Variants in TOPBP1 observed in about 807,000 individuals in gnomAD.
TOPBP1 encodes the protein DNA topoisomerase 2-binding protein 1.
A neutral mutation model predicts 167.7 loss-of-function variants in TOPBP1; 28 were observed. That is an observed-to-expected ratio of 0.17 (90% confidence interval 0.12 to 0.23). The LOEUF (loss-of-function observed/expected upper bound fraction) is 0.23. Among genes scored for constraint, TOPBP1 ranks in the 10% least tolerant of loss-of-function variants. TOPBP1 has a pLI of 1.00. For synonymous variants in TOPBP1, 598 were observed against 611.4 expected (o/e 0.98, Z 0.32); for missense variants, 1,554 against 1,809.6 (o/e 0.86, Z 2.56).
chr3:133,623,908 G>A (rs1359097966), intron 17 of TOPBP1, 144 bp downstream of exon 17: 4 of 991,800 alleles, frequency 4.0e-6, no homozygotes, highest in Non-Finnish European at 5.6e-6. Context: ...TGATGCCAAA[G>A]ATCTGAAATG....
chr3:133,639,794 G>A (rs1300701663), intron 13 of TOPBP1, among the ~76,000 whole-genome samples, 165 bp downstream of exon 13: 1 of 152,096 alleles, frequency 6.6e-6, no homozygotes, highest in Non-Finnish European at 1.5e-5. Flanking sequence ...ACAGTAAATA[G>A]GAGCCAAGCT....
At chr3:133,621,096 C>CT (rs1935075556) in intron 19 of TOPBP1, among the ~76,000 whole-genome samples, 2 of 152,144 alleles carry the variant, frequency 1.3e-5, no homozygotes, top group South Asian at 4.1e-4. Flanking sequence ...ATTATAACCT[C>CT]TAACTCCTGG....
chr3:133,628,811 AAAAG>A, intron 14 of TOPBP1, 78 bp from the exon 15 acceptor site: 4 of 1,436,086 alleles, frequency 2.8e-6, no homozygotes, highest in Middle Eastern at 2.1e-4. Context: ...TAGGACAGGA[AAAAG>A]AAAGAGGAGG....
chr3:133,652,344 A>T, intron 8 of TOPBP1, 119 bp downstream of exon 8: 1 of 1,031,208 alleles, frequency 9.7e-7, no homozygotes, highest in Non-Finnish European at 1.4e-6. Context: ...CTACTTAGCT[A>T]GAGTGGAGGG....
In TOPBP1 at chr3:133,628,237, A is replaced by G. The variant is rs937357226; in HGVS notation, c.2804+125T>C. On this transcript the variant is annotated intron_variant, in intron 16 of 27. Coordinates refer to ENST00000260810, the MANE Select transcript of TOPBP1 (RefSeq NM_007027.4). ...ATGTGGTAAATTAAAAATCAACTGG[A>G]GAGATTTTGTAGATAAAGATGCATG... 5.9e-6 allele frequency: 5 copies of G among 850,728 alleles called. No homozygotes were observed. The African/African-American group carries it at 8.6e-5, about 15-fold the overall frequency. 52.7% of individuals were successfully genotyped at this position (850,728 alleles called of 1,614,324 possible).
At position 133,622,593 on chromosome 3, in the gene TOPBP1, G is replaced by A. The variant is rs1007035627; in HGVS notation, c.3178+498C>T. Reference sequence around the variant, plus strand: ...GATACATAAGGAACTAATAACACTGGGGGGCTGGAGAATAAGGGTGGAAGA... The same window carrying A: ...GATACATAAGGAACTAATAACACTGAGGGGCTGGAGAATAAGGGTGGAAGA... On this transcript the variant is annotated intron_variant, in intron 19 of 27. Transcript: ENST00000260810. Among the ~76,000 whole-genome samples, 41 of 151,968 alleles carry A rather than the reference G, an allele frequency of 2.7e-4. 2 individuals carry two copies. Among genetic ancestry groups the A allele is most frequent in the Non-Finnish European group, 2.9e-5 (2 of 68,008 alleles).
intron 8 of TOPBP1, 71 bp from the exon 9 acceptor site, chr3:133,650,014 C>T: frequency 8.1e-7 from 1 of 1,240,844 alleles, no homozygotes; most frequent in South Asian, 1.8e-5. Context: ...AAATATATAT[C>T]TAAATCCACT....
intron 2 of TOPBP1, among the ~76,000 whole-genome samples, chr3:133,659,739 C>A (rs1936616096): frequency 6.7e-6 from 1 of 149,780 alleles, no homozygotes; most frequent in Admixed American, 6.7e-5. Flanking sequence ...CCCTTCTAGT[C>A]TATTCTATTT....
chr3:133,622,547 T>C (rs1935128506), intron 19 of TOPBP1, among the ~76,000 whole-genome samples: 1 of 151,984 alleles, frequency 6.6e-6, no homozygotes, highest in Non-Finnish European at 1.5e-5. Flanking sequence ...CGGCTATATA[T>C]GCATAAAGCA....
intron 11 of TOPBP1, 34 bp downstream of exon 11, chr3:133,643,986 C>T (rs115222241): frequency 0.014 from 21,203 of 1,534,768 alleles, 175 homozygotes; most frequent in African/African-American, 0.02. Context: ...AGATATCCTT[C>T]GATACTTTAT....
intron 3 of TOPBP1, 101 bp downstream of exon 3, chr3:133,658,915 A>G: frequency 7.9e-7 from 1 of 1,270,384 alleles, no homozygotes; most frequent in Non-Finnish European, 1.0e-6. Context: ...TGTACTCATA[A>G]GTTGCATAGT....
intron 16 of TOPBP1, among the ~76,000 whole-genome samples, chr3:133,625,548 A>G (rs1233943557): frequency 1.3e-5 from 2 of 152,052 alleles, no homozygotes; most frequent in Non-Finnish European, 2.9e-5. Flanking sequence ...GTCGACCAAC[A>G]TGGAGAAACC....
intron 27 of TOPBP1, among the ~76,000 whole-genome samples, chr3:133,606,226 T>C (rs1934488466): frequency 6.6e-6 from 1 of 152,254 alleles, no homozygotes; most frequent in East Asian, 1.9e-4. Context: ...TTATATTCTT[T>C]TGGATTGGCA....
At chr3:133,617,428 C>T in intron 21 of TOPBP1, 102 bp from the exon 22 acceptor site, 1 of 1,313,020 alleles carries the variant, frequency 7.6e-7, no homozygotes, top group Non-Finnish European at 1.0e-6. Context: ...AAGTCAAGCA[C>T]AAACTCTGGA....
chr3:133,639,054 G>A lies in TOPBP1; in HGVS notation c.2234-892C>T, dbSNP rs556872003. Among the ~76,000 whole-genome samples the A allele has an allele frequency of 3.9e-5, 6 of 152,220 alleles. No individual in the cohort carries two copies. The East Asian group carries it at 7.7e-4, about 20-fold the overall frequency. ...AGAATGCTTCCCAAGACAGTGTGGC[G>A]ATTCCTCAAAGATCTAGAACTAGAA... is the stretch of plus-strand genomic sequence containing the variant. On this transcript the variant is annotated intron_variant, in intron 13 of 27. Coordinates refer to ENST00000260810, the MANE Select transcript of TOPBP1 (RefSeq NM_007027.4).
At chr3:133,643,027 C>CT (rs377340617) in intron 12 of TOPBP1, among the ~76,000 whole-genome samples, 173 bp downstream of exon 12, 70 of 145,986 alleles carry the variant, frequency 4.8e-4, no homozygotes, top group Middle Eastern at 3.5e-3. Flanking sequence ...AACAGAGGCA[C>CT]TTTTTTTTTT....
chr3:133,653,920 C>A (rs1936390028), intron 6 of TOPBP1, among the ~76,000 whole-genome samples: 1 of 152,178 alleles, frequency 6.6e-6, no homozygotes, highest in South Asian at 2.1e-4. Flanking sequence ...GCGTGAGCAA[C>A]CGCGCCCGGC....
At chr3:133,611,964 C>G (rs1162417296) in intron 24 of TOPBP1, among the ~76,000 whole-genome samples, 2 of 151,930 alleles carry the variant, frequency 1.3e-5, no homozygotes, top group Non-Finnish European at 2.9e-5. Flanking sequence ...TCTTGAACTC[C>G]TAGGTTCAAG....
At chr3:133,646,825 T>A (rs951239962) in intron 10 of TOPBP1, among the ~76,000 whole-genome samples, 3 of 152,090 alleles carry the variant, frequency 2.0e-5, no homozygotes, top group Non-Finnish European at 4.4e-5. Context: ...TCTCTAGAAA[T>A]ATGGTGGGCT....
Sources: allele counts gnomAD v4.1 joint callset (sites outside exome capture counted in the v4.1 genomes callset), GRCh38; gene constraint gnomAD v4.1.1; transcripts MANE v1.5; gene names NCBI Gene and HGNC (gene_info 2026-07-23, HGNC 2026-07-21).